KDM2B: variants seen among roughly 807,000 people sequenced by gnomAD.
KDM2B encodes the protein lysine demethylase 2B.
In KDM2B, 26 loss-of-function variants were observed where a neutral mutation model predicts 150.0. That is an observed-to-expected ratio of 0.17 (90% CI 0.13 to 0.24). KDM2B has a LOEUF of 0.24. Ranked by LOEUF, KDM2B falls within the 10% of genes least tolerant of loss-of-function variation. The pLI is 1.00. For synonymous variants in KDM2B, 734 were observed against 729.5 expected, an observed-to-expected ratio of 1.01 and a Z score of -0.10; for missense variants, 1,265 against 1,816.9, an observed-to-expected ratio of 0.70 and a Z score of 5.52.
chr12:121,497,907 T>C (rs1884144589), intron 11 of KDM2B, among the ~76,000 whole-genome samples: 1 of 151,804 alleles, frequency 6.6e-6, no homozygotes, highest in Non-Finnish European at 1.5e-5. Flanking sequence ...ACCATCCTGA[T>C]CAACATGGAG....
chr12:121,500,998 G>A (rs575254482), intron 11 of KDM2B, among the ~76,000 whole-genome samples: 1 of 152,304 alleles, frequency 6.6e-6, no homozygotes, highest in African/African-American at 2.4e-5. Flanking sequence ...CTACTCAGGA[G>A]GATGAGGCAG....
chr12:121,539,326 C>CAAA (rs60048517), intron 6 of KDM2B, among the ~76,000 whole-genome samples: 29 of 58,612 alleles, frequency 4.9e-4, no homozygotes, highest in South Asian at 4.2e-3. Flanking sequence ...GACCCTCTCC[C>CAAA]AAAAAAAAAA....
chr12:121,579,959 A>AG, intron 1 of KDM2B: 1 of 1,476,684 alleles, frequency 6.8e-7, no homozygotes, highest in Non-Finnish European at 9.0e-7. Context: ...AAAAAAAAAA[A>AG]AGATCTATCA....
chr12:121,554,033 C>CCACACAAACACA, intron 4 of KDM2B, among the ~76,000 whole-genome samples: 1 of 122,142 alleles, frequency 8.2e-6, no homozygotes, highest in South Asian at 2.9e-4. Flanking sequence ...CACCCCAGCT[C>CCACACAAACACA]CACACACACA....
chr12:121,477,816 G>A (rs1881558299), intron 12 of KDM2B, among the ~76,000 whole-genome samples: 1 of 152,098 alleles, frequency 6.6e-6, no homozygotes, highest in African/African-American at 2.4e-5. Flanking sequence ...GACCTCGGGT[G>A]ATCCACCTGC....
intron 6 of KDM2B, among the ~76,000 whole-genome samples, chr12:121,541,836 C>A (rs1888636563): frequency 6.6e-6 from 1 of 152,036 alleles, no homozygotes; most frequent in Admixed American, 6.5e-5. Flanking sequence ...CTGTATTCTA[C>A]AGGAGCAAAG....
At position 121,489,539 on chromosome 12, in the gene KDM2B, A is replaced by G. The variant is rs2140249081; in HGVS notation, c.1734+5040T>C. On this transcript the variant is annotated intron_variant, in intron 12 of 22. Coordinates refer to ENST00000377071, the MANE Select transcript of KDM2B (RefSeq NM_032590.5). Reference sequence around the variant, plus strand: ...ACTGCAACCTCCGCCTCACAGGTTCAAGTGATTCTCCTGCCTCAGCCTCCC... The same window carrying G: ...ACTGCAACCTCCGCCTCACAGGTTCGAGTGATTCTCCTGCCTCAGCCTCCC... Among the ~76,000 whole-genome samples, 2 of 152,280 alleles carry G rather than the reference A, an allele frequency of 1.3e-5. 1 individual carries two copies. Among genetic ancestry groups the G allele is most frequent in the South Asian group, 4.1e-4 (2 of 4,822 alleles).
At chr12:121,547,026 G>A (rs1438652631) in intron 6 of KDM2B, among the ~76,000 whole-genome samples, 20 of 152,038 alleles carry the variant, frequency 1.3e-4, no homozygotes, top group Admixed American at 1.3e-3. Flanking sequence ...CAGGAAGAAT[G>A]TCCTCTCCAA....
chr12:121,452,685 C>T lies in KDM2B; in HGVS notation c.1959+435G>A, dbSNP rs1463601709. 6.6e-6 allele frequency among the ~76,000 whole-genome samples: 1 copy of T among 152,222 alleles called. No individual in the cohort carries two copies. The highest frequency in any genetic ancestry group is 1.5e-5 in the Non-Finnish European group (1 of 68,040). ...GCTGAGGCCAGGCGGTGTGGAGGGG[C>T]GGGCCAGGCTCTCCCGGGCGCGGCT... is the stretch of plus-strand genomic sequence containing the variant. On this transcript the variant is annotated intron_variant, in intron 13 of 22. Coordinates refer to ENST00000377071, the MANE Select transcript of KDM2B (RefSeq NM_032590.5). The surrounding 1 kb of genome is among the most constrained non-coding windows in gnomAD (Gnocchi z 4.4).
intron 6 of KDM2B, 97 bp downstream of exon 6, chr12:121,548,780 C>A (rs1276176433): frequency 3.4e-6 from 3 of 883,964 alleles, no homozygotes; most frequent in South Asian, 1.4e-5. Flanking sequence ...GACGCTCAAG[C>A]CTTCACTGAT....
At position 121,565,923 on chromosome 12, in the gene KDM2B, G is replaced by A. The variant is rs1455839082; in HGVS notation, c.397+8624C>T. On this transcript the variant is annotated intron_variant, in intron 4 of 22. Coordinates refer to ENST00000377071, the MANE Select transcript of KDM2B (RefSeq NM_032590.5). ...ATTACAGATGTGAGCCACCGTGCCC[G>A]GCCCAGGAATTTTTTTTTTTTTTTA... 3.3e-5 allele frequency among the ~76,000 whole-genome samples: 5 copies of A among 151,304 alleles called. No individual in the cohort carries two copies. The East Asian group carries it at 5.8e-4, about 18-fold the overall frequency.
chr12:121,563,117 C>G lies in KDM2B; in HGVS notation c.397+11430G>C, dbSNP rs949588912. The stretch of plus-strand genomic sequence containing the variant: ...TGGATCGCTTAGGCCCGTGAGTTTG[C>G]GAGCAGCCTGGGCAACATAGCGAGA... On this transcript the variant is annotated intron_variant, in intron 4 of 22. Coordinates refer to ENST00000377071, the MANE Select transcript of KDM2B (RefSeq NM_032590.5). 2.0e-5 allele frequency among the ~76,000 whole-genome samples: 3 copies of G among 151,614 alleles called. No homozygotes were observed. The East Asian group carries it at 5.9e-4, about 30-fold the overall frequency.
At chr12:121,510,727 A>G (rs1300466918) in intron 10 of KDM2B, among the ~76,000 whole-genome samples, 2 of 151,974 alleles carry the variant, frequency 1.3e-5, no homozygotes, top group South Asian at 4.2e-4. Flanking sequence ...TGGGAGGTGG[A>G]GGCTGCAGTA....
chr12:121,422,169 T>G, the KDM2B span, among the ~76,000 whole-genome samples: 3 of 152,234 alleles, frequency 2.0e-5, no homozygotes, highest in Admixed American at 6.5e-5. Flanking sequence ...ATAACATGGT[T>G]GTTATTATGA....
At chr12:121,554,374 G>T (rs1889744188) in intron 4 of KDM2B, among the ~76,000 whole-genome samples, 1 of 151,720 alleles carries the variant, frequency 6.6e-6, no homozygotes. Flanking sequence ...TGTATACCTT[G>T]TATATATCAT....
In KDM2B at chr12:121,513,291, C is replaced by G; in HGVS notation, c.1159G>C (p.Glu387Gln). Residue 387 changes from glutamate (E) to glutamine (Q), a missense_variant, in exon 10 of 23, where the codon GAG becomes CAG. Transcript: ENST00000377071. This position sits in a 1 kb window ranked among gnomAD's most constrained non-coding sequence, Gnocchi z 5.0. ...RSHLTQEYQR[E>Q]SMLIDAPRKP... ...GTTCACTCACCAATAAGCATCGACT[C>G]CCTCTGGTATTCCTGAGTGAGGTGG... 6.2e-7 allele frequency: 1 copy of G among 1,613,522 alleles called. No homozygotes were observed. Among genetic ancestry groups the G allele is most frequent in the South Asian group, 1.1e-5 (1 of 91,076 alleles).
chr12:121,477,229 C>A (rs1881484537), intron 12 of KDM2B, among the ~76,000 whole-genome samples: 1 of 152,074 alleles, frequency 6.6e-6, no homozygotes, highest in Admixed American at 6.6e-5. Flanking sequence ...AGCCACCACA[C>A]CAGGCTAATT....
chr12:121,419,380 C>T, the KDM2B span, among the ~76,000 whole-genome samples: 4 of 152,194 alleles, frequency 2.6e-5, no homozygotes, highest in African/African-American at 4.8e-5. Context: ...CAGAACGTCT[C>T]CTAGTCGTCA....
rs1555311259 is a variant in KDM2B, at chr12:121,548,918, G to A, written c.642C>T (p.Ala214=). ...ACTTCATCTCTGCAATGGCGTTCGT[G>A]GCTTCTGTCTGCTTCTCCTTCAGAT... The part of the protein sequence containing the change: ...PQHLKEKQTE[A]TNAIAEMKYP... The change falls in exon 6 of 23, where the codon GCC becomes GCT. Residue 214 remains alanine, a synonymous_variant. Coordinates refer to ENST00000377071, the MANE Select transcript of KDM2B (RefSeq NM_032590.5). 5 of 1,614,160 alleles carry A rather than the reference G, an allele frequency of 3.1e-6. No homozygotes were observed. Among genetic ancestry groups the A allele is most frequent in the Non-Finnish European group, 3.4e-6 (4 of 1,180,010 alleles).
Sources: allele counts gnomAD v4.1 joint callset (sites outside exome capture counted in the v4.1 genomes callset), GRCh38; gene constraint gnomAD v4.1.1; non-coding constraint Gnocchi (gnomAD v3.1); transcripts MANE v1.5; gene names NCBI Gene and HGNC (gene_info 2026-07-23, HGNC 2026-07-21).